The following FMNL2 variants were observed in gnomAD, a reference collection of about 807,000 sequenced individuals.
FMNL2 encodes the protein formin-like protein 2.
FMNL2 carries 51 observed loss-of-function variants against 130.2 expected under a neutral mutation model. That is an observed-to-expected ratio of 0.39 (90% CI 0.31 to 0.49). The LOEUF is 0.49. Among genes scored for constraint, FMNL2 ranks in the 20% least tolerant of loss-of-function variants. The pLI is 0.85. For missense variants in FMNL2, 977 were observed against 1,316.2 expected (o/e 0.74, Z 3.99); for synonymous variants, 465 against 467.1 (o/e 1.00, Z 0.06).
At chr2:152,520,894 T>C (rs192321350) in intron 1 of FMNL2, among the ~76,000 whole-genome samples, 10 of 152,296 alleles carry the variant, frequency 6.6e-5, no homozygotes, top group African/African-American at 9.6e-5. Flanking sequence ...AGCTAGGAGC[T>C]TGAGTATTAA....
intron 7 of FMNL2, among the ~76,000 whole-genome samples, chr2:152,577,806 T>C (rs1318973122): frequency 1.3e-5 from 2 of 152,036 alleles, no homozygotes; most frequent in Admixed American, 1.3e-4. Flanking sequence ...AAATGCTTGA[T>C]TGGAGTGGTT....
At chr2:152,620,287 A>C (rs1016784928) in intron 15 of FMNL2, among the ~76,000 whole-genome samples, 11 of 152,268 alleles carry the variant, frequency 7.2e-5, no homozygotes, top group Admixed American at 5.9e-4. Flanking sequence ...CCGTATTATC[A>C]TGCCTTAAAA....
intron 1 of FMNL2, among the ~76,000 whole-genome samples, chr2:152,515,342 T>G (rs1402812110): frequency 6.6e-6 from 1 of 152,176 alleles, no homozygotes; most frequent in Non-Finnish European, 1.5e-5. Flanking sequence ...TCACCTTGAT[T>G]TGTTATTTGG....
At chr2:152,629,926 T>A in intron 20 of FMNL2, 21 bp downstream of exon 20, 1 of 1,584,500 alleles carries the variant, frequency 6.3e-7, no homozygotes. Context: ...TAAAAGAAAT[T>A]TGAGAGCTGT....
intron 1 of FMNL2, among the ~76,000 whole-genome samples, chr2:152,508,138 T>G (rs1692278206): frequency 6.6e-6 from 1 of 152,040 alleles, no homozygotes; most frequent in Admixed American, 6.6e-5. Context: ...AATATATGTA[T>G]AGAAGAGAGA....
chr2:152,487,924 A>T (rs1690925846), intron 1 of FMNL2, among the ~76,000 whole-genome samples: 1 of 151,862 alleles, frequency 6.6e-6, no homozygotes, highest in Non-Finnish European at 1.5e-5. Context: ...AGTAGCTGGG[A>T]TTACAGGCGC....
chr2:152,629,701 CA>C lies in FMNL2; in HGVS notation c.2451del (p.Lys817AsnfsTer10). Reference sequence around the variant, plus strand: ...AGCATCTGTCTCTATAAAGTCGTCCCAAAAACTCAAGAAAATTCTGGAGGCA... The same window carrying C: ...AGCATCTGTCTCTATAAAGTCGTCCCAAAACTCAAGAAAATTCTGGAGGCA... ...IAASVSIKSS[Q>X]KLKKILEIIL... On this transcript the variant is annotated frameshift_variant, in exon 19 of 26. Coordinates refer to ENST00000288670, the MANE Select transcript of FMNL2 (RefSeq NM_052905.4). LOFTEE classifies it high-confidence loss of function. 6.2e-7 allele frequency: 1 copy of C among 1,603,582 alleles called. No individual in the cohort carries two copies. Among genetic ancestry groups the C allele is most frequent in the Non-Finnish European group, 8.5e-7 (1 of 1,174,534 alleles).
intron 1 of FMNL2, among the ~76,000 whole-genome samples, chr2:152,379,947 A>C (rs1484361788): frequency 6.6e-6 from 1 of 152,228 alleles, no homozygotes; most frequent in Non-Finnish European, 1.5e-5. Context: ...GAATTTATTA[A>C]GGTGCCTTCA....
chr2:152,598,473 G>A (rs1403636716), intron 9 of FMNL2, among the ~76,000 whole-genome samples: 1 of 152,150 alleles, frequency 6.6e-6, no homozygotes, highest in South Asian at 2.1e-4. Flanking sequence ...TGGATCACTT[G>A]AGGCCAGGAG....
chr2:152,600,751 T>C (rs1238156996), intron 9 of FMNL2, among the ~76,000 whole-genome samples: 1 of 151,108 alleles, frequency 6.6e-6, no homozygotes, highest in Non-Finnish European at 1.5e-5. Context: ...TTGGCAGAAG[T>C]TTTGCTTTTG....
intron 1 of FMNL2, among the ~76,000 whole-genome samples, chr2:152,342,341 A>G (rs1350265004): frequency 6.6e-6 from 1 of 152,224 alleles, no homozygotes; most frequent in Non-Finnish European, 1.5e-5. Context: ...GAGTACTTTT[A>G]GGAACAAAGC....
intron 1 of FMNL2, among the ~76,000 whole-genome samples, chr2:152,403,758 A>T (rs1039329752): frequency 6.6e-6 from 1 of 152,176 alleles, no homozygotes; most frequent in African/African-American, 2.4e-5. Flanking sequence ...AATGATCTTT[A>T]GCTAACAGAA....
intron 1 of FMNL2, among the ~76,000 whole-genome samples, chr2:152,339,277 G>A (rs1446799586): frequency 6.6e-6 from 1 of 151,920 alleles, no homozygotes; most frequent in Non-Finnish European, 1.5e-5. Context: ...TCCAAGTGTG[G>A]CCCAGGGAAG....
intron 1 of FMNL2, among the ~76,000 whole-genome samples, chr2:152,416,536 A>G (rs1031062711): frequency 1.3e-5 from 2 of 152,186 alleles, no homozygotes; most frequent in Admixed American, 6.5e-5. Context: ...AGTTTCTCTA[A>G]CATTTGAAGT....
At chr2:152,602,784 T>C (rs61607303) in intron 9 of FMNL2, among the ~76,000 whole-genome samples, 61 of 152,260 alleles carry the variant, frequency 4.0e-4, no homozygotes, top group African/African-American at 1.4e-3. Context: ...GATGAAGCGC[T>C]CGAGTTCATT....
chr2:152,343,565 G>A lies in FMNL2; in HGVS notation c.117+7845G>A, dbSNP rs1013104689. 9.0e-5 allele frequency among the ~76,000 whole-genome samples: 4 copies of A among 44,220 alleles called. No individual in the cohort carries two copies. In the Admixed American group the frequency reaches 1.1e-3, roughly 12 times the overall value. The allele number at this position is 44,220 out of a possible 152,430, so 29.0% of individuals were successfully genotyped here. A position where few individuals can be genotyped will look rare whatever the true frequency, so the allele number is the denominator to read the frequency against. ...CCAGTCTTGACATCTCAAAGTGCTG[G>A]GATTACAGGCATAAGCCACCACACC... On this transcript the variant is annotated intron_variant, in intron 1 of 25. Coordinates refer to ENST00000288670, the MANE Select transcript of FMNL2 (RefSeq NM_052905.4).
chr2:152,580,246 A>G (rs960070426), intron 8 of FMNL2, among the ~76,000 whole-genome samples: 1 of 152,238 alleles, frequency 6.6e-6, no homozygotes, highest in African/African-American at 2.4e-5. Context: ...AAGTGGTCTT[A>G]TGATTGAAGA....
chr2:152,522,832 AT>A (rs1161897894), intron 2 of FMNL2, among the ~76,000 whole-genome samples: 1 of 152,204 alleles, frequency 6.6e-6, no homozygotes, highest in African/African-American at 2.4e-5. Context: ...ATATATCATT[AT>A]CTGTTATCCA....
intron 9 of FMNL2, among the ~76,000 whole-genome samples, chr2:152,605,831 G>C (rs1559001957): frequency 6.6e-6 from 1 of 152,180 alleles, no homozygotes; most frequent in Admixed American, 6.5e-5. Flanking sequence ...AACGTTCCCA[G>C]CGTATGGTTT....
Sources: gnomAD v4.1 joint callset for allele counts (sites outside exome capture counted in the v4.1 genomes callset) on GRCh38, gnomAD v4.1.1 for gene constraint, MANE v1.5 for transcripts, NCBI Gene and HGNC (gene_info 2026-07-23, HGNC 2026-07-21) for gene names.